Variants in PCDH15 observed in about 807,000 individuals in gnomAD.
PCDH15 encodes protocadherin related 15.
A neutral mutation model predicts 178.5 loss-of-function variants in PCDH15; 129 were observed. The ratio of observed to expected loss-of-function variants is 0.72; its 90% CI spans 0.63 to 0.84. The LOEUF (loss-of-function observed/expected upper bound fraction) is 0.84, where lower values mean the gene tolerates loss of function less well. PCDH15 is among the 40% of genes least tolerant of loss of function. The probability of loss-of-function intolerance (pLI) is 0.00; values close to 1 mark genes in which losing one functional copy is unlikely to be tolerated. For synonymous variants in PCDH15, 800 were observed against 732.0 expected, an observed-to-expected ratio of 1.09 and a Z score of -1.50; for missense variants, 2,230 against 2,099.9, an observed-to-expected ratio of 1.06 and a Z score of -1.21.
intron 1 of PCDH15, among the ~76,000 whole-genome samples, chr10:55,290,405 AT>A (rs544458419): frequency 2.6e-5 from 4 of 152,096 alleles, no homozygotes; most frequent in Admixed American, 6.6e-5. Flanking sequence ...GTGTCTTCAT[AT>A]TTTCTGTATG....
intron 20 of PCDH15, among the ~76,000 whole-genome samples, chr10:54,001,562 T>C (rs2135009712): frequency 6.6e-6 from 1 of 151,744 alleles, no homozygotes; most frequent in Admixed American, 6.6e-5. Context: ...AACCAAAAAA[T>C]GTACAATAGA....
chr10:54,432,591 A>C (rs1372488107), intron 3 of PCDH15, among the ~76,000 whole-genome samples: 17 of 152,188 alleles, frequency 1.1e-4, no homozygotes. Context: ...AAGTGGATTA[A>C]AGACTGAAAT....
chr10:54,199,061 T>C (rs1397261889), intron 10 of PCDH15, among the ~76,000 whole-genome samples: 3 of 152,182 alleles, frequency 2.0e-5, no homozygotes, highest in Non-Finnish European at 4.4e-5. Context: ...AGAAATAAAA[T>C]TCAAATCAGA....
At chr10:55,048,190 C>T (rs1841062381) in intron 2 of PCDH15, among the ~76,000 whole-genome samples, 1 of 151,784 alleles carries the variant, frequency 6.6e-6, no homozygotes, top group Non-Finnish European at 1.5e-5. Context: ...AAGATAAAGG[C>T]ATAAACATAT....
At chr10:54,055,378 G>T (rs144227179) in intron 18 of PCDH15, among the ~76,000 whole-genome samples, 1 of 152,180 alleles carries the variant, frequency 6.6e-6, no homozygotes, top group African/African-American at 2.4e-5. Flanking sequence ...TTTATACAAG[G>T]TATTACATGG....
chr10:55,215,333 T>C (rs535410707), intron 1 of PCDH15, among the ~76,000 whole-genome samples: 1 of 152,284 alleles, frequency 6.6e-6, no homozygotes, highest in Admixed American at 6.5e-5. Flanking sequence ...CAGTGTGTAC[T>C]TAGGCCTGAT....
chr10:55,199,703 T>C (rs1459717978), intron 1 of PCDH15, among the ~76,000 whole-genome samples: 1 of 152,062 alleles, frequency 6.6e-6, no homozygotes, highest in Admixed American at 6.5e-5. Context: ...AATGGTTTCA[T>C]GGTCCAGGCC....
chr10:53,985,431 T>G (rs375373417), intron 21 of PCDH15, among the ~76,000 whole-genome samples: 1 of 152,260 alleles, frequency 6.6e-6, no homozygotes, highest in African/African-American at 2.4e-5. Context: ...TGGCATTGTC[T>G]TGAATGCTTT....
At chr10:55,542,602 C>T (rs1275682714) in intron 2 of PCDH15, among the ~76,000 whole-genome samples, 2 of 145,520 alleles carry the variant, frequency 1.4e-5, no homozygotes, top group Non-Finnish European at 3.1e-5. Flanking sequence ...TAGGTACATA[C>T]AGACATATGT....
intron 8 of PCDH15, among the ~76,000 whole-genome samples, chr10:54,305,944 T>C (rs1201527680): frequency 1.3e-5 from 2 of 152,002 alleles, no homozygotes; most frequent in African/African-American, 4.8e-5. Context: ...GCAGATGGGA[T>C]GAGGCAAATG....
At chr10:53,909,415 G>A (rs912736009) in intron 25 of PCDH15, among the ~76,000 whole-genome samples, 1 of 152,106 alleles carries the variant, frequency 6.6e-6, no homozygotes, top group Non-Finnish European at 1.5e-5. Flanking sequence ...AATTGTAATT[G>A]CTACCACTTC....
chr10:55,113,405 G>A (rs1837556270), intron 2 of PCDH15, among the ~76,000 whole-genome samples: 1 of 149,646 alleles, frequency 6.7e-6, no homozygotes, highest in Non-Finnish European at 1.5e-5. Context: ...TTACATGCAA[G>A]TTCCATGCTA....
At chr10:54,147,487 C>T (rs1382934491) in intron 14 of PCDH15, among the ~76,000 whole-genome samples, 1 of 151,686 alleles carries the variant, frequency 6.6e-6, no homozygotes, top group South Asian at 2.1e-4. Flanking sequence ...AATGATATGT[C>T]TTACAAATAG....
At chr10:55,051,668 G>T (rs530765908) in intron 2 of PCDH15, among the ~76,000 whole-genome samples, 25 of 152,194 alleles carry the variant, frequency 1.6e-4, no homozygotes, top group South Asian at 1.0e-3. Context: ...TACAGAAACC[G>T]TAACAATCAC....
intron 2 of PCDH15, among the ~76,000 whole-genome samples, chr10:54,914,254 C>T (rs1260416729): frequency 3.3e-5 from 5 of 152,056 alleles, no homozygotes. Flanking sequence ...TTGTTGTTCT[C>T]ATGATAGGGA....
intron 8 of PCDH15, among the ~76,000 whole-genome samples, chr10:54,261,183 A>G (rs1301266449): frequency 6.6e-6 from 1 of 152,186 alleles, no homozygotes; most frequent in African/African-American, 2.4e-5. Context: ...TAACTGTTTG[A>G]AAATGTAAAA....
chr10:54,218,978 G>A (rs1295746354), intron 9 of PCDH15, among the ~76,000 whole-genome samples: 1 of 151,840 alleles, frequency 6.6e-6, no homozygotes, highest in Non-Finnish European at 1.5e-5. Flanking sequence ...TTAGGGCTGG[G>A]CGCAGTGGCT....
At chr10:55,535,378 C>T (rs1258175997) in intron 2 of PCDH15, among the ~76,000 whole-genome samples, 5 of 151,884 alleles carry the variant, frequency 3.3e-5, no homozygotes, top group Admixed American at 2.6e-4. Flanking sequence ...ACAGAATAAG[C>T]CTCTACTAGG....
At chr10:53,823,077 T>G (rs1441332954) in intron 32 of PCDH15, 1 of 1,613,890 alleles carries the variant, frequency 6.2e-7, no homozygotes, top group African/African-American at 1.3e-5. Context: ...TGAAAATGGG[T>G]CTACAAAATC....
Sources: gnomAD v4.1 joint callset for allele counts (sites outside exome capture counted in the v4.1 genomes callset) on GRCh38, gnomAD v4.1.1 for gene constraint, MANE v1.5 for transcripts, NCBI Gene and HGNC (gene_info 2026-07-23, HGNC 2026-07-21) for gene names.